The following SH3PXD2A variants were observed in gnomAD, a reference collection of about 807,000 sequenced individuals.
SH3PXD2A encodes the protein SH3 and PX domains 2A, also known as SH3 and PX domain-containing protein 2A.
Under a neutral mutation model 115.2 loss-of-function variants are expected in SH3PXD2A, and 32 were observed. The ratio of observed to expected loss-of-function variants is 0.28; its 90% CI spans 0.21 to 0.37. SH3PXD2A has a LOEUF of 0.37. SH3PXD2A is among the 10% of genes least tolerant of loss of function. SH3PXD2A has a pLI of 1.00. For missense variants in SH3PXD2A, 1,328 were observed against 1,498.7 expected, an observed-to-expected ratio of 0.89 and a Z score of 1.88; for synonymous variants, 610 against 629.1, an observed-to-expected ratio of 0.97 and a Z score of 0.45.
At chr10:103,661,350 G>A (rs558574088) in intron 7 of SH3PXD2A, among the ~76,000 whole-genome samples, 18 of 152,370 alleles carry the variant, frequency 1.2e-4, no homozygotes, top group Admixed American at 9.8e-4. Context: ...CCAGGGGGCC[G>A]GGGAGGGGAC....
At chr10:103,701,178 ACCAT>A (rs1554912952) in intron 5 of SH3PXD2A, among the ~76,000 whole-genome samples, 27 of 87,930 alleles carry the variant, frequency 3.1e-4, no homozygotes, top group African/African-American at 4.2e-4. Flanking sequence ...CCATCCATCC[ACCAT>A]CCATCCATCC....
chr10:103,794,964 C>T (rs903262691), intron 2 of SH3PXD2A, among the ~76,000 whole-genome samples: 1 of 152,144 alleles, frequency 6.6e-6, no homozygotes, highest in African/African-American at 2.4e-5. Flanking sequence ...TAGAAGATTT[C>T]AGGGGGCAAC....
At chr10:103,704,073 A>T (rs2037952572) in intron 5 of SH3PXD2A, among the ~76,000 whole-genome samples, 1 of 152,164 alleles carries the variant, frequency 6.6e-6, no homozygotes, top group South Asian at 2.1e-4. Context: ...GCATACACAG[A>T]TCCTCCACCT....
intron 6 of SH3PXD2A, 92 bp from the exon 7 acceptor site, chr10:103,668,744 CA>C (rs1474342806): frequency 8.5e-7 from 1 of 1,179,600 alleles, no homozygotes. Context: ...TGAGTGGCTG[CA>C]GGCGCCGCGC....
chr10:103,685,104 A>G (rs2037660382), intron 6 of SH3PXD2A, among the ~76,000 whole-genome samples: 2 of 152,124 alleles, frequency 1.3e-5, no homozygotes, highest in African/African-American at 4.8e-5. Flanking sequence ...TTGGGAGGCC[A>G]AGGTGGGTGG....
chr10:103,623,568 GCCC>G (rs1326540486), intron 9 of SH3PXD2A, among the ~76,000 whole-genome samples: 3 of 152,266 alleles, frequency 2.0e-5, no homozygotes, highest in East Asian at 3.9e-4. Context: ...GACCACCGAG[GCCC>G]TGGGAAAGCA....
chr10:103,750,066 G>T (rs1298075414), intron 3 of SH3PXD2A: 2 of 152,200 alleles, frequency 1.3e-5, no homozygotes, highest in Non-Finnish European at 2.9e-5. Context: ...TATTGTTGTT[G>T]TTTGGAGACA....
At chr10:103,842,253 T>TATTTG (rs2039608613) in intron 1 of SH3PXD2A, among the ~76,000 whole-genome samples, 1 of 151,790 alleles carries the variant, frequency 6.6e-6, no homozygotes, top group Non-Finnish European at 1.5e-5. Flanking sequence ...CCTATTTTGT[T>TATTTG]ATTGTATTCT....
At chr10:103,657,935 T>G (rs142891903) in intron 8 of SH3PXD2A, among the ~76,000 whole-genome samples, 2 of 152,366 alleles carry the variant, frequency 1.3e-5, no homozygotes, top group Non-Finnish European at 2.9e-5. Flanking sequence ...GGGCCCATTC[T>G]CAGCCTCCCT....
chr10:103,652,631 T>C (rs1301952464), intron 8 of SH3PXD2A, among the ~76,000 whole-genome samples: 2 of 152,220 alleles, frequency 1.3e-5, no homozygotes, highest in African/African-American at 2.4e-5. Flanking sequence ...CAGAAAGTGT[T>C]TGCTTTACAC....
intron 6 of SH3PXD2A, among the ~76,000 whole-genome samples, chr10:103,682,202 C>T (rs931857875): frequency 2.0e-5 from 3 of 152,226 alleles, no homozygotes; most frequent in African/African-American, 4.8e-5. Context: ...GCTTGCCACG[C>T]CCCTGCCCCC....
chr10:103,818,609 C>T (rs1418028019), intron 1 of SH3PXD2A, among the ~76,000 whole-genome samples: 3 of 152,148 alleles, frequency 2.0e-5, no homozygotes, highest in East Asian at 1.9e-4. Flanking sequence ...TGCGGCAAAA[C>T]GGGGAATGCC....
intron 3 of SH3PXD2A, among the ~76,000 whole-genome samples, chr10:103,748,718 AGAAGCT>A: frequency 6.6e-6 from 1 of 152,282 alleles, no homozygotes; most frequent in East Asian, 1.9e-4. Context: ...GGCACATCTG[AGAAGCT>A]GAAGGGAGTC....
intron 3 of SH3PXD2A, among the ~76,000 whole-genome samples, chr10:103,737,019 C>T (rs114554634): frequency 2.0e-3 from 301 of 152,334 alleles, no homozygotes; most frequent in African/African-American, 6.8e-3. Context: ...GGTTGCTAAG[C>T]TGGCAGGATG....
intron 1 of SH3PXD2A, among the ~76,000 whole-genome samples, chr10:103,853,446 T>A (rs1393234928): frequency 6.6e-6 from 1 of 152,244 alleles, no homozygotes; most frequent in Non-Finnish European, 1.5e-5. Context: ...ACTATTATTA[T>A]CCTTACTTGA....
intron 12 of SH3PXD2A, 138 bp downstream of exon 12, chr10:103,612,715 G>C (rs2036446653): frequency 1.7e-6 from 1 of 585,784 alleles, no homozygotes; most frequent in African/African-American, 1.9e-5. Context: ...AGTTGACAGA[G>C]TGAGGGTCAA....
At chr10:103,821,214 C>G (rs113916131) in intron 1 of SH3PXD2A, among the ~76,000 whole-genome samples, 5,191 of 143,918 alleles carry the variant, frequency 0.036, 177 homozygotes, top group African/African-American at 0.085. Context: ...GCGGTCTCGG[C>G]TTACTGCAAC....
chr10:103,690,503 C>A (rs1439736547), intron 6 of SH3PXD2A, among the ~76,000 whole-genome samples: 1 of 152,204 alleles, frequency 6.6e-6, no homozygotes, highest in Non-Finnish European at 1.5e-5. Context: ...CCAAAGGCAG[C>A]TGCTGGCAGA....
chr10:103,702,614 C>T (rs868470083), intron 5 of SH3PXD2A, among the ~76,000 whole-genome samples: 2 of 16,396 alleles, frequency 1.2e-4, no homozygotes, highest in Non-Finnish European at 1.1e-4. Flanking sequence ...TGTGTGTGTG[C>T]ATGCTGGGTG....
Sources: gnomAD v4.1 joint callset for allele counts (sites outside exome capture counted in the v4.1 genomes callset) on GRCh38, gnomAD v4.1.1 for gene constraint, MANE v1.5 for transcripts, NCBI Gene and HGNC (gene_info 2026-07-23, HGNC 2026-07-21) for gene names.